The following PCDHA1 variants were observed in gnomAD, a reference collection of about 807,000 sequenced individuals.
PCDHA1 encodes the protein protocadherin alpha-1.
PCDHA1 carries 42 observed loss-of-function variants against 61.3 expected under a neutral mutation model. The observed-to-expected ratio is 0.69, with a 90% CI of 0.54 to 0.89. The LOEUF (loss-of-function observed/expected upper bound fraction) is 0.89. PCDHA1 is among the 40% of genes least tolerant of loss of function. The pLI, the probability that PCDHA1 is intolerant of heterozygous loss-of-function variation, is 0.00. For missense variants in PCDHA1, 1,256 were observed against 1,235.3 expected (o/e 1.02, Z -0.25); for synonymous variants, 610 against 553.8 (o/e 1.10, Z -1.43).
rs782107641 is a variant in PCDHA1, at chr5:140,787,509, T to C, written c.1219T>C (p.Leu407=). ...LVSTFKNYYS[L]VLDSALDRES... ...GTCCACCTTCAAGAATTACTACTCG[T>C]TGGTGTTGGACAGCGCCCTGGATCG... The change falls in exon 1 of 4, where the codon TTG becomes CTG. Residue 407 remains leucine (L), a synonymous_variant. Coordinates refer to ENST00000504120, the MANE Select transcript of PCDHA1 (RefSeq NM_018900.4). The C allele has an allele frequency of 3.1e-6, 5 of 1,614,166 alleles. No homozygotes were observed. Among genetic ancestry groups the C allele is most frequent in the Non-Finnish European group, 4.2e-6 (5 of 1,180,020 alleles).
intron 1 of PCDHA1, among the ~76,000 whole-genome samples, chr5:140,900,590 G>A (rs984247729): frequency 3.3e-5 from 5 of 152,174 alleles, no homozygotes; most frequent in South Asian, 2.1e-4. Flanking sequence ...TTCTTTACCC[G>A]TTCATCTGAT....
intron 1 of PCDHA1, among the ~76,000 whole-genome samples, chr5:140,874,637 AC>A (rs1177845104): frequency 4.6e-5 from 7 of 152,256 alleles, no homozygotes; most frequent in African/African-American, 1.7e-4. Flanking sequence ...AAAGTGCTTT[AC>A]TTTTGCTAGA....
intron 1 of PCDHA1, among the ~76,000 whole-genome samples, chr5:140,799,566 T>G (rs1350709989): frequency 6.6e-6 from 1 of 152,116 alleles, no homozygotes; most frequent in Non-Finnish European, 1.5e-5. Context: ...AGAAATTATG[T>G]AAGTTTGATA....
intron 3 of PCDHA1, among the ~76,000 whole-genome samples, chr5:140,992,388 G>A (rs2097508351): frequency 6.6e-6 from 1 of 152,120 alleles, no homozygotes; most frequent in Non-Finnish European, 1.5e-5. Context: ...TTGTGTTCTG[G>A]ACTTAGAGAT....
At chr5:140,918,237 T>C (rs2078587640) in intron 1 of PCDHA1, among the ~76,000 whole-genome samples, 2 of 152,240 alleles carry the variant, frequency 1.3e-5, no homozygotes, top group Admixed American at 1.3e-4. Context: ...TGTACATTGA[T>C]TTTGTATGCT....
intron 1 of PCDHA1, chr5:140,966,586 T>C (rs1339521044): frequency 5.5e-6 from 3 of 548,910 alleles, no homozygotes; most frequent in Non-Finnish European, 8.8e-6. Flanking sequence ...GCGAGGACGG[T>C]GGGGCCAGGA....
intron 1 of PCDHA1, among the ~76,000 whole-genome samples, chr5:140,906,323 A>G (rs1487570044): frequency 1.3e-5 from 2 of 152,212 alleles, no homozygotes; most frequent in Non-Finnish European, 2.9e-5. Context: ...AACATGATAC[A>G]ACTATCCTTC....
At chr5:140,967,254 C>G in intron 1 of PCDHA1, 3 of 1,613,562 alleles carry the variant, frequency 1.9e-6, no homozygotes, top group Non-Finnish European at 2.5e-6. Context: ...TCGGTGGCGC[C>G]TGGAGCGCGC....
chr5:140,839,771 G>C (rs1190836066), intron 1 of PCDHA1, among the ~76,000 whole-genome samples: 1 of 151,892 alleles, frequency 6.6e-6, no homozygotes, highest in Non-Finnish European at 1.5e-5. Context: ...TACGTTTTTG[G>C]TAAGAATTTT....
In PCDHA1 at chr5:140,857,433, T is replaced by C. The variant is rs2044590478; in HGVS notation, c.2394+68749T>C. On this transcript the variant is annotated intron_variant, in intron 1 of 3. Transcript: ENST00000504120. ...TTCGCGCAGTCCGAGTACACGGTGTTCGTGAAGGAGAACAACCCGCCAGGC... is the reference window on the plus strand; with the variant it reads ...TTCGCGCAGTCCGAGTACACGGTGTCCGTGAAGGAGAACAACCCGCCAGGC... 2.5e-6 allele frequency: 4 copies of C among 1,598,232 alleles called. 1 individual carries two copies. Among genetic ancestry groups the C allele is most frequent in the Non-Finnish European group, 3.4e-6 (4 of 1,167,768 alleles).
intron 1 of PCDHA1, among the ~76,000 whole-genome samples, chr5:140,934,826 A>C (rs556197038): frequency 1.1e-4 from 17 of 152,294 alleles, no homozygotes; most frequent in South Asian, 1.0e-3. Context: ...TAACTTTGGC[A>C]AGTTGGGAAC....
At chr5:140,919,926 T>C (rs1040693581) in intron 1 of PCDHA1, among the ~76,000 whole-genome samples, 18 of 152,088 alleles carry the variant, frequency 1.2e-4, no homozygotes, top group African/African-American at 4.1e-4. Flanking sequence ...AATTTTCAGG[T>C]GGGGGCTAAT....
At chr5:141,002,682 G>A (rs536105955) in intron 3 of PCDHA1, among the ~76,000 whole-genome samples, 51 of 152,256 alleles carry the variant, frequency 3.3e-4, no homozygotes, top group African/African-American at 1.0e-3. Flanking sequence ...CCTATACGAC[G>A]TGCAGATTTG....
intron 1 of PCDHA1, among the ~76,000 whole-genome samples, chr5:140,888,287 C>G (rs1371852276): frequency 6.6e-6 from 1 of 152,072 alleles, no homozygotes; most frequent in African/African-American, 2.4e-5. Flanking sequence ...CCCCTCTACC[C>G]CCTACCCAGG....
rs2150389319 is a variant in PCDHA1, at chr5:140,846,377, T to C, written c.2394+57693T>C. On this transcript the variant is annotated intron_variant, in intron 1 of 3. Transcript: ENST00000504120. The stretch of plus-strand genomic sequence containing the variant: ...TTTCTTTTCTTTTCTTTCTTTCTTT[T>C]TTTTTTTTTTTTTTTGAGACGGAGT... Among the ~76,000 whole-genome samples the C allele has an allele frequency of 1.3e-3, 177 of 134,738 alleles. 13 individuals carry two copies. The highest frequency in any genetic ancestry group is 3.8e-3 in the African/African-American group (141 of 37,120). The allele number at this position is 134,738 out of a possible 152,430, so 88.4% of individuals were successfully genotyped here.
intron 1 of PCDHA1, among the ~76,000 whole-genome samples, chr5:140,960,353 A>T (rs1197291282): frequency 6.6e-6 from 1 of 152,214 alleles, no homozygotes; most frequent in African/African-American, 2.4e-5. Context: ...ATATGTACTG[A>T]AATAATATGC....
chr5:140,889,403 C>T (rs1246037388), intron 1 of PCDHA1, among the ~76,000 whole-genome samples: 1 of 151,882 alleles, frequency 6.6e-6, no homozygotes, highest in Non-Finnish European at 1.5e-5. Flanking sequence ...TTAATTTACT[C>T]GAGTCAGTTA....
intron 1 of PCDHA1, among the ~76,000 whole-genome samples, chr5:140,947,608 A>G (rs1381677530): frequency 3.3e-5 from 5 of 151,684 alleles, no homozygotes; most frequent in Non-Finnish European, 7.4e-5. Flanking sequence ...AAGATTTGGT[A>G]TCTTAACAAT....
chr5:140,947,229 GA>G lies in PCDHA1; in HGVS notation c.2395-31711del, dbSNP rs201242412. On this transcript the variant is annotated intron_variant, in intron 1 of 3. Transcript: ENST00000504120. ...AAGAAAATCCTGTCATTTATGACAGGAAAAAAAAATAAGATAATCCAATGTA... is the reference window on the plus strand; with the variant it reads ...AAGAAAATCCTGTCATTTATGACAGGAAAAAAAATAAGATAATCCAATGTA... 1.0e-3 allele frequency among the ~76,000 whole-genome samples: 154 copies of G among 148,902 alleles called. 1 individual carries two copies. The highest frequency in any genetic ancestry group is 8.9e-3 in the Admixed American group (133 of 14,994).
Sources: gnomAD v4.1 joint callset for allele counts (sites outside exome capture counted in the v4.1 genomes callset) on GRCh38, gnomAD v4.1.1 for gene constraint, MANE v1.5 for transcripts, NCBI Gene and HGNC (gene_info 2026-07-23, HGNC 2026-07-21) for gene names.